The following KLHL1 variants were observed in gnomAD, a reference collection of about 807,000 sequenced individuals.
KLHL1 encodes the protein kelch like family member 1.
Under a neutral mutation model 77.7 loss-of-function variants are expected in KLHL1, and 47 were observed. The observed-to-expected ratio is 0.60, with a 90% CI of 0.48 to 0.77. The LOEUF is 0.77. KLHL1 is among the 30% of genes least tolerant of loss of function. KLHL1 has a pLI of 0.00. For synonymous variants in KLHL1, 360 were observed against 325.2 expected (o/e 1.11, Z -1.15); for missense variants, 925 against 910.8 (o/e 1.02, Z -0.20).
chr13:69,929,186 C>T (rs1882913048), intron 4 of KLHL1, among the ~76,000 whole-genome samples: 1 of 151,962 alleles, frequency 6.6e-6, no homozygotes, highest in African/African-American at 2.4e-5. Flanking sequence ...AACTTCATTG[C>T]TTCACAGTTA....
intron 1 of KLHL1, among the ~76,000 whole-genome samples, chr13:70,094,821 C>T (rs967015077): frequency 6.6e-6 from 1 of 152,154 alleles, no homozygotes; most frequent in Non-Finnish European, 1.5e-5. Flanking sequence ...TTTCTAACTA[C>T]CTGTGTTTCC....
At chr13:69,977,134 T>C (rs1358880981) in intron 1 of KLHL1, among the ~76,000 whole-genome samples, 1 of 152,086 alleles carries the variant, frequency 6.6e-6, no homozygotes, top group African/African-American at 2.4e-5. Flanking sequence ...TGTGATTTCT[T>C]ATACACAATG....
chr13:69,746,431 C>A (rs530510535), intron 7 of KLHL1, among the ~76,000 whole-genome samples: 1 of 151,818 alleles, frequency 6.6e-6, no homozygotes, highest in Non-Finnish European at 1.5e-5. Context: ...ATTTAATTAG[C>A]TACACTAAGA....
At chr13:69,858,275 T>G (rs926248836) in intron 5 of KLHL1, among the ~76,000 whole-genome samples, 1 of 152,008 alleles carries the variant, frequency 6.6e-6, no homozygotes, top group Non-Finnish European at 1.5e-5. Flanking sequence ...GGAGAAAGAC[T>G]GGGGGTTGGG....
intron 3 of KLHL1, among the ~76,000 whole-genome samples, chr13:69,952,957 T>G (rs187585898): frequency 9.2e-5 from 14 of 151,444 alleles, no homozygotes; most frequent in Admixed American, 8.6e-4. Context: ...TAGTCAAAAC[T>G]GAAGTAAAAT....
intron 5 of KLHL1, among the ~76,000 whole-genome samples, chr13:69,859,785 G>A (rs968974586): frequency 2.6e-5 from 4 of 152,044 alleles, no homozygotes; most frequent in African/African-American, 9.7e-5. Context: ...TAGTAAATAT[G>A]ACCAATAAAA....
At chr13:69,758,906 CTT>C (rs1874891214) in intron 7 of KLHL1, among the ~76,000 whole-genome samples, 1 of 152,064 alleles carries the variant, frequency 6.6e-6, no homozygotes, top group Non-Finnish European at 1.5e-5. Flanking sequence ...TATAACATGA[CTT>C]AAATAATTTA....
At chr13:69,942,758 C>T (rs746061325) in intron 3 of KLHL1, among the ~76,000 whole-genome samples, 1 of 152,098 alleles carries the variant, frequency 6.6e-6, no homozygotes, top group African/African-American at 2.4e-5. Flanking sequence ...AATGCTTCAG[C>T]ATCTATCAGC....
At chr13:70,092,670 G>A (rs1309327956) in intron 1 of KLHL1, among the ~76,000 whole-genome samples, 2 of 152,056 alleles carry the variant, frequency 1.3e-5, no homozygotes, top group African/African-American at 2.4e-5. Context: ...TTAGTTTTAT[G>A]AGCTAAGTTA....
At chr13:69,905,738 G>C (rs1257037498) in intron 4 of KLHL1, among the ~76,000 whole-genome samples, 1 of 152,020 alleles carries the variant, frequency 6.6e-6, no homozygotes, top group Non-Finnish European at 1.5e-5. Flanking sequence ...AGGACAGTGA[G>C]GTACAATAAG....
rs111395379 is a variant in KLHL1 at position 69,796,896 on chromosome 13, C to T, written c.1481G>A (p.Gly494Asp). The T allele has an allele frequency of 6.2e-7, 1 of 1,614,124 alleles. No homozygotes were observed. Among genetic ancestry groups the T allele is most frequent in the Non-Finnish European group, 8.5e-7 (1 of 1,180,006 alleles). Residue 494 changes from glycine to aspartate, a missense_variant, in exon 7 of 11, where the codon GGC becomes GAC. Transcript: ENST00000377844. ...NLWIQAGMMN[G>D]RRLQFGVAVI... is the part of the protein sequence containing the mutation. Reference sequence around the variant, plus strand: ...AGCCACACCAAACTGCAGCCTTCTGCCATTCATCATCCCTGCCTGGATCCA... The same window carrying T: ...AGCCACACCAAACTGCAGCCTTCTGTCATTCATCATCCCTGCCTGGATCCA...
At chr13:69,871,211 C>T (rs1880571143) in intron 5 of KLHL1, among the ~76,000 whole-genome samples, 1 of 152,118 alleles carries the variant, frequency 6.6e-6, no homozygotes, top group Non-Finnish European at 1.5e-5. Context: ...AAGCAGTACC[C>T]AGGGTCCTTT....
At chr13:70,081,219 C>G (rs1196191912) in intron 1 of KLHL1, among the ~76,000 whole-genome samples, 1 of 152,134 alleles carries the variant, frequency 6.6e-6, no homozygotes, top group Admixed American at 6.6e-5. Context: ...GTAACTGGTA[C>G]CACTGGCTCA....
intron 1 of KLHL1, among the ~76,000 whole-genome samples, chr13:70,011,322 A>G (rs1442046164): frequency 6.6e-6 from 1 of 152,202 alleles, no homozygotes; most frequent in Non-Finnish European, 1.5e-5. Context: ...CTGTCAACAC[A>G]GATATTATAA....
intron 4 of KLHL1, among the ~76,000 whole-genome samples, chr13:69,892,442 T>C (rs943380272): frequency 1.3e-5 from 2 of 152,160 alleles, no homozygotes; most frequent in African/African-American, 4.8e-5. Context: ...AAAAGAAAGT[T>C]GTAATGCAAG....
intron 8 of KLHL1, among the ~76,000 whole-genome samples, chr13:69,729,572 G>A (rs1471501412): frequency 6.6e-6 from 1 of 152,068 alleles, no homozygotes; most frequent in Non-Finnish European, 1.5e-5. Flanking sequence ...ATGTAAGAGG[G>A]TGATGTTAAA....
intron 3 of KLHL1, among the ~76,000 whole-genome samples, chr13:69,957,642 T>G (rs936158619): frequency 2.6e-5 from 4 of 151,760 alleles, no homozygotes; most frequent in African/African-American, 9.7e-5. Flanking sequence ...TTTGAAAAAC[T>G]GATATACAAT....
intron 1 of KLHL1, among the ~76,000 whole-genome samples, chr13:70,045,944 TC>T (rs1421513899): frequency 6.6e-6 from 1 of 152,230 alleles, no homozygotes; most frequent in Non-Finnish European, 1.5e-5. Context: ...GGTAAAGGTT[TC>T]CTTTGTAATC....
rs553459017 is a variant in KLHL1, at chr13:69,915,050, T to C, written c.1014+24990A>G. ...AGCAGGGACTTATGGTACTGCTCAT[T>C]GGAATGCAAAAATGGTATAACACTG... is the stretch of plus-strand genomic sequence containing the variant. On this transcript the variant is annotated intron_variant, in intron 4 of 10. Transcript: ENST00000377844. 3.3e-5 allele frequency among the ~76,000 whole-genome samples: 5 copies of C among 152,188 alleles called. No individual in the cohort carries two copies. In the South Asian group the frequency reaches 6.2e-4, roughly 19 times the overall value.
Sources: allele counts gnomAD v4.1 joint callset (sites outside exome capture counted in the v4.1 genomes callset), GRCh38; gene constraint gnomAD v4.1.1; transcripts MANE v1.5; gene names NCBI Gene and HGNC (gene_info 2026-07-23, HGNC 2026-07-21).